EXOC2: variants seen among roughly 807,000 people sequenced by gnomAD.
The protein encoded by EXOC2 is exocyst complex component 2, also known as SEC5-like 1.
A neutral mutation model predicts 131.8 loss-of-function variants in EXOC2; 70 were observed. The observed-to-expected ratio is 0.53, with a 90% CI of 0.44 to 0.65. The LOEUF is 0.65. EXOC2 is among the 30% of genes least tolerant of loss of function. EXOC2 has a pLI of 0.00. For missense variants in EXOC2, 923 were observed against 1,108.6 expected, an observed-to-expected ratio of 0.83 and a Z score of 2.38; for synonymous variants, 411 against 398.4, an observed-to-expected ratio of 1.03 and a Z score of -0.38.
chr6:640,903 G>A (rs928401220), intron 1 of EXOC2, among the ~76,000 whole-genome samples: 15 of 151,038 alleles, frequency 9.9e-5, no homozygotes, highest in Admixed American at 9.2e-4. Flanking sequence ...AAAAAACTTC[G>A]AAATCATTCT....
chr6:658,640 ATATTTTATATATATATATATATATATTT>A (rs1763251346), intron 1 of EXOC2, among the ~76,000 whole-genome samples: 1 of 122,118 alleles, frequency 8.2e-6, no homozygotes, highest in Non-Finnish European at 1.6e-5. Flanking sequence ...ATATATATAT[ATATTTTATATATATATATATATATATTT>A]TTTTTTTTTT....
intron 26 of EXOC2, among the ~76,000 whole-genome samples, chr6:490,197 A>G (rs942373685): frequency 6.6e-6 from 1 of 152,224 alleles, no homozygotes; most frequent in East Asian, 1.9e-4. Flanking sequence ...TTCTCATTTA[A>G]CACCCTCAAA....
Position 486,276 on chromosome 6 carries a change from AGT to A in EXOC2, c.*393_*394del, listed in dbSNP as rs1205313782. ...TAGCTTTCCAAATCTCGTATCAGTCAGTCTCTCCGTGTGTCGTGGGAGCTGCC... is the reference window on the plus strand; with the variant it reads ...TAGCTTTCCAAATCTCGTATCAGTCACTCTCCGTGTGTCGTGGGAGCTGCC... On this transcript the variant is annotated 3_prime_UTR_variant, in exon 28 of 28. Transcript: ENST00000230449. 1 of 166,396 alleles carries A rather than the reference AGT, an allele frequency of 6.0e-6. No homozygotes were observed. Among genetic ancestry groups the A allele is most frequent in the African/African-American group, 2.4e-5 (1 of 41,868 alleles). The allele number at this position is 166,396 out of a possible 1,614,324, so 10.3% of individuals were successfully genotyped here.
At chr6:637,494 G>A (rs1208604197) in intron 2 of EXOC2, among the ~76,000 whole-genome samples, 1 of 152,218 alleles carries the variant, frequency 6.6e-6, no homozygotes, top group Non-Finnish European at 1.5e-5. Context: ...GGATTTGAAA[G>A]ACAATATAAG....
intron 5 of EXOC2, among the ~76,000 whole-genome samples, chr6:618,227 G>GTT (rs1434372664): frequency 6.6e-6 from 1 of 152,164 alleles, no homozygotes. Context: ...TTTCAAAGAT[G>GTT]GAACTGCTTT....
chr6:682,981 A>G (rs758369027), intron 1 of EXOC2, among the ~76,000 whole-genome samples: 2 of 152,360 alleles, frequency 1.3e-5, no homozygotes, highest in Middle Eastern at 3.4e-3. Flanking sequence ...GTCTGATTCC[A>G]GATCAGTTGA....
At chr6:526,163 G>A (rs1401816892) in intron 23 of EXOC2, among the ~76,000 whole-genome samples, 1 of 152,212 alleles carries the variant, frequency 6.6e-6, no homozygotes, top group African/African-American at 2.4e-5. Flanking sequence ...ACACGTATGT[G>A]TATAGATGGG....
intron 6 of EXOC2, among the ~76,000 whole-genome samples, chr6:610,428 G>A (rs560978951): frequency 6.6e-6 from 1 of 152,192 alleles, no homozygotes; most frequent in Admixed American, 6.5e-5. Flanking sequence ...AAAAACAGTT[G>A]AATTGAAAAA....
At position 486,306 on chromosome 6, in the gene EXOC2, C is replaced by T. The variant is rs572011434; in HGVS notation, c.*365G>A. On this transcript the variant is annotated 3_prime_UTR_variant, in exon 28 of 28. Transcript: ENST00000230449. Reference sequence around the variant, plus strand: ...CTCCGTGTGTCGTGGGAGCTGCCTGCGCTTCCGTGAACGGGACACTGAGAA... The same window carrying T: ...CTCCGTGTGTCGTGGGAGCTGCCTGTGCTTCCGTGAACGGGACACTGAGAA... 1.9e-4 allele frequency: 35 copies of T among 185,920 alleles called. No homozygotes were observed. In the South Asian group the frequency reaches 3.3e-3, roughly 18 times the overall value. 11.5% of individuals were successfully genotyped at this position (185,920 alleles called of 1,614,324 possible).
intron 1 of EXOC2, among the ~76,000 whole-genome samples, chr6:652,836 AG>A (rs1245228002): frequency 1.3e-5 from 2 of 152,186 alleles, no homozygotes; most frequent in African/African-American, 4.8e-5. Flanking sequence ...TGTACTACTC[AG>A]ATACTGCACT....
intron 1 of EXOC2, among the ~76,000 whole-genome samples, chr6:661,359 A>T (rs1418329299): frequency 6.6e-6 from 1 of 152,240 alleles, no homozygotes; most frequent in Non-Finnish European, 1.5e-5. Context: ...CACAGTTCAG[A>T]CTAAGGAAAG....
Position 564,443 on chromosome 6 carries a change from G to C in EXOC2, c.1667+102C>G, listed in dbSNP as rs146658136. On this transcript the variant is annotated intron_variant, in intron 15 of 27. Coordinates refer to ENST00000230449, the MANE Select transcript of EXOC2 (RefSeq NM_018303.6). ...AACAGTGGAGGCAAAAGGACAAAAAGAAGAAAAAGAAGAATTTCTTCTTCA... is the reference window on the plus strand; with the variant it reads ...AACAGTGGAGGCAAAAGGACAAAAACAAGAAAAAGAAGAATTTCTTCTTCA... 244 of 1,483,490 alleles carry C rather than the reference G, an allele frequency of 1.6e-4. No individual in the cohort carries two copies. In the African/African-American group the frequency reaches 3.1e-3, roughly 19 times the overall value. 91.9% of individuals were successfully genotyped at this position (1,483,490 alleles called of 1,614,324 possible).
intron 22 of EXOC2, among the ~76,000 whole-genome samples, chr6:534,531 G>A (rs565504405): frequency 2.0e-5 from 3 of 152,270 alleles, no homozygotes; most frequent in African/African-American, 4.8e-5. Flanking sequence ...CTGGTCTGAC[G>A]TCAGATTTCT....
chr6:588,075 T>A (rs1485256056), intron 11 of EXOC2, among the ~76,000 whole-genome samples: 1 of 152,166 alleles, frequency 6.6e-6, no homozygotes, highest in Non-Finnish European at 1.5e-5. Context: ...TGTTACATTA[T>A]CCTTTCTGCT....
intron 22 of EXOC2, among the ~76,000 whole-genome samples, chr6:547,339 C>T (rs1170516701): frequency 6.6e-6 from 1 of 152,154 alleles, no homozygotes; most frequent in Non-Finnish European, 1.5e-5. Context: ...GAAATATCCC[C>T]GGAGGAAACA....
rs1203213638 is a variant in EXOC2 at position 565,168 on chromosome 6, G to T, written c.1444-239C>A. 2.6e-5 allele frequency among the ~76,000 whole-genome samples: 4 copies of T among 152,146 alleles called. 1 individual carries two copies. The highest frequency in any genetic ancestry group is 9.7e-5 in the African/African-American group (4 of 41,434). ...GTACAATTCCCATGAATGAATCCAA[G>T]AATTAAGTTGAAACTACCGATTTTA... On this transcript the variant is annotated intron_variant, in intron 13 of 27. Transcript: ENST00000230449.
Position 504,472 on chromosome 6 carries a change from A to G in EXOC2, c.2381-4772T>C, listed in dbSNP as rs56758804. Among the ~76,000 whole-genome samples, 502 of 152,358 alleles carry G rather than the reference A, an allele frequency of 3.3e-3. 2 individuals are homozygous for G. The highest frequency in any genetic ancestry group is 0.012 in the African/African-American group (482 of 41,580). On this transcript the variant is annotated intron_variant, in intron 23 of 27. Transcript: ENST00000230449. ...TTTTCAAAGGGCCAGTGACGGTGACAGAGGGGCCATGCTGCAATTATTTTT... is the reference window on the plus strand; with the variant it reads ...TTTTCAAAGGGCCAGTGACGGTGACGGAGGGGCCATGCTGCAATTATTTTT...
chr6:585,598 C>A (rs1319701923), intron 11 of EXOC2, among the ~76,000 whole-genome samples: 1 of 152,208 alleles, frequency 6.6e-6, no homozygotes, highest in Non-Finnish European at 1.5e-5. Flanking sequence ...CTGTCACCAT[C>A]TTTGCTCATA....
intron 14 of EXOC2, 38 bp from the exon 15 acceptor site, chr6:564,740 T>C: frequency 6.3e-7 from 1 of 1,576,064 alleles, no homozygotes; most frequent in Non-Finnish European, 8.6e-7. Flanking sequence ...TGTTCAAATG[T>C]GATTAATCGG....
Sources: allele counts gnomAD v4.1 joint callset (sites outside exome capture counted in the v4.1 genomes callset), GRCh38; gene constraint gnomAD v4.1.1; transcripts MANE v1.5; gene names NCBI Gene and HGNC (gene_info 2026-07-23, HGNC 2026-07-21).